Variants in OPCML observed in about 807,000 individuals in gnomAD.
The protein encoded by OPCML is opioid binding protein/cell adhesion molecule like, also known as opioid-binding protein/cell adhesion molecule.
In OPCML, 13 loss-of-function variants were observed where a neutral mutation model predicts 37.8. That is an observed-to-expected ratio of 0.34 (90% confidence interval 0.22 to 0.55). OPCML has a LOEUF of 0.55. Ranked by LOEUF, OPCML falls within the 20% of genes least tolerant of loss-of-function variation. The probability of loss-of-function intolerance (pLI) is 0.91; values close to 1 mark genes in which losing one functional copy is unlikely to be tolerated. For missense variants in OPCML, 341 were observed against 435.6 expected, an observed-to-expected ratio of 0.78 and a Z score of 1.93; for synonymous variants, 176 against 168.8, an observed-to-expected ratio of 1.04 and a Z score of -0.33.
intron 4 of OPCML, among the ~76,000 whole-genome samples, chr11:132,452,185 A>C (rs2096070007): frequency 6.6e-6 from 1 of 152,178 alleles, no homozygotes; most frequent in Non-Finnish European, 1.5e-5. Context: ...AGAGTTGTTA[A>C]TGACTTTTGT....
intron 2 of OPCML, among the ~76,000 whole-genome samples, chr11:132,927,696 A>T (rs1029202628): frequency 2.6e-5 from 4 of 152,096 alleles, no homozygotes; most frequent in African/African-American, 9.6e-5. Context: ...TATTATTGTC[A>T]TTTTAGTTTA....
chr11:133,118,314 T>C, intron 1 of OPCML: 1 of 985,356 alleles, frequency 1.0e-6, no homozygotes, highest in Non-Finnish European at 1.2e-6. Flanking sequence ...AATTCTGTCT[T>C]TTGAGAGTTC....
rs538348025 is a variant in OPCML at position 132,502,837 on chromosome 11, G to A, written c.505+26224C>T. ...TCCTGCTCACTGGAGAGAGTGGGGC[G>A]CCTTGGCTTAACAATCCTCTCTCAC... On this transcript the variant is annotated intron_variant, in intron 4 of 7. Transcript: ENST00000524381. Among the ~76,000 whole-genome samples, 170 of 152,242 alleles carry A rather than the reference G, an allele frequency of 1.1e-3. 5 individuals are homozygous for A. In the South Asian group the frequency reaches 0.022, roughly 19 times the overall value.
intron 3 of OPCML, among the ~76,000 whole-genome samples, chr11:132,566,046 A>G (rs2137534567): frequency 6.6e-6 from 1 of 152,304 alleles, no homozygotes; most frequent in Middle Eastern, 3.4e-3. Flanking sequence ...AACAGAACAA[A>G]ATAAAAAAAA....
In OPCML at chr11:133,109,103, A is replaced by T. The variant is rs548400843; in HGVS notation, c.62-166093T>A. Among the ~76,000 whole-genome samples the T allele has an allele frequency of 3.3e-5, 5 of 152,096 alleles. No individual in the cohort carries two copies. The East Asian group carries it at 7.8e-4, about 24-fold the overall frequency. On this transcript the variant is annotated intron_variant, in intron 1 of 7. Coordinates refer to ENST00000524381, the MANE Select transcript of OPCML (RefSeq NM_001012393.5). ...GGTTAATTGGTTTCTCTAGCTCACA[A>T]AGTTTTCCTTCTGTGTTCTCTGGTT...
rs141908936 is a variant in OPCML at position 132,434,108 on chromosome 11, C to A, written c.916+1978G>T. ...CTCCCTGCAACAGCAATCCCACCAA[C>A]CATGGGGATAATGGCAGGTTGTGGC... On this transcript the variant is annotated intron_variant, in intron 7 of 7. Coordinates refer to ENST00000524381, the MANE Select transcript of OPCML (RefSeq NM_001012393.5). Among the ~76,000 whole-genome samples, 391 of 152,258 alleles carry A rather than the reference C, an allele frequency of 2.6e-3. 4 individuals carry two copies. The highest frequency in any genetic ancestry group is 3.5e-3 in the South Asian group (17 of 4,830).
intron 2 of OPCML, among the ~76,000 whole-genome samples, chr11:132,799,513 T>G (rs1938522763): frequency 6.6e-6 from 1 of 152,128 alleles, no homozygotes; most frequent in African/African-American, 2.4e-5. Context: ...TGCCCTTTTA[T>G]AGGGGTGTGG....
intron 1 of OPCML, among the ~76,000 whole-genome samples, chr11:133,160,119 C>T (rs912868614): frequency 6.6e-6 from 1 of 152,158 alleles, no homozygotes; most frequent in Non-Finnish European, 1.5e-5. Flanking sequence ...CGAAAGTATC[C>T]TCATCAAAGA....
chr11:133,446,528 G>T (rs1412418744), intron 1 of OPCML, among the ~76,000 whole-genome samples: 1 of 152,100 alleles, frequency 6.6e-6, no homozygotes, highest in Non-Finnish European at 1.5e-5. Flanking sequence ...GGGCTCAAGG[G>T]ATCCTCCCAC....
Position 133,173,967 on chromosome 11 carries a change from G to A in OPCML, c.62-230957C>T, listed in dbSNP as rs997161534. ...TCCATTCTACAAGGATCCCCAGTCA[G>A]CCAATGCACCGGGACGCTGACATAA... On this transcript the variant is annotated intron_variant, in intron 1 of 7. Transcript: ENST00000524381. The surrounding 1 kb of genome is among the most constrained non-coding windows in gnomAD (Gnocchi z 7.8). Among the ~76,000 whole-genome samples the A allele has an allele frequency of 2.2e-4, 34 of 152,314 alleles. No homozygotes were observed. The highest frequency in any genetic ancestry group is 3.4e-3 in the Middle Eastern group (1 of 294).
intron 1 of OPCML, among the ~76,000 whole-genome samples, chr11:133,054,579 A>G (rs1463438104): frequency 2.0e-5 from 3 of 152,234 alleles, no homozygotes; most frequent in African/African-American, 2.4e-5. Flanking sequence ...GGTTGGGCAC[A>G]TCATCACAGG....
intron 1 of OPCML, among the ~76,000 whole-genome samples, chr11:133,332,769 A>G (rs1197116599): frequency 6.6e-6 from 1 of 152,156 alleles, no homozygotes; most frequent in Admixed American, 6.5e-5. Context: ...ATTAGTTTTC[A>G]TATGTTGAAC....
intron 1 of OPCML, among the ~76,000 whole-genome samples, chr11:133,479,543 G>T (rs1947329082): frequency 6.6e-6 from 1 of 152,210 alleles, no homozygotes; most frequent in Non-Finnish European, 1.5e-5. Flanking sequence ...AACAGACTTT[G>T]CTGTGCACAC....
chr11:133,072,696 G>A (rs1263616392), intron 1 of OPCML, among the ~76,000 whole-genome samples: 1 of 152,218 alleles, frequency 6.6e-6, no homozygotes, highest in African/African-American at 2.4e-5. Context: ...TGCAGTGCTG[G>A]TCTAGGGAGG....
At chr11:133,303,943 A>G (rs2136572485) in intron 1 of OPCML, among the ~76,000 whole-genome samples, 1 of 152,322 alleles carries the variant, frequency 6.6e-6, no homozygotes, top group East Asian at 1.9e-4. Context: ...CTATCATTCT[A>G]TGTTTTTGGT....
intron 2 of OPCML, among the ~76,000 whole-genome samples, chr11:132,704,234 G>T (rs923335201): frequency 6.6e-6 from 1 of 152,158 alleles, no homozygotes; most frequent in African/African-American, 2.4e-5. Flanking sequence ...TATCAAATGG[G>T]CAAGCAAGGA....
At chr11:133,432,722 C>G (rs1946150145) in intron 1 of OPCML, among the ~76,000 whole-genome samples, 1 of 151,962 alleles carries the variant, frequency 6.6e-6, no homozygotes, top group South Asian at 2.1e-4. Flanking sequence ...TTTTTTGTTT[C>G]TTTATTTTAC....
chr11:133,404,021 C>T (rs1350471280), intron 1 of OPCML, among the ~76,000 whole-genome samples: 2 of 152,182 alleles, frequency 1.3e-5, no homozygotes, highest in Non-Finnish European at 2.9e-5. Context: ...AAGTTCGAAG[C>T]CCAGTTGTTT....
intron 1 of OPCML, among the ~76,000 whole-genome samples, chr11:133,412,053 G>A (rs1945663498): frequency 1.3e-5 from 2 of 152,166 alleles, no homozygotes; most frequent in Non-Finnish European, 2.9e-5. Flanking sequence ...GAAACACGTG[G>A]CACATTCAAA....
Sources: gnomAD v4.1 joint callset for allele counts (sites outside exome capture counted in the v4.1 genomes callset) on GRCh38, gnomAD v4.1.1 for gene constraint, Gnocchi (gnomAD v3.1) non-coding constraint, MANE v1.5 for transcripts, NCBI Gene and HGNC (gene_info 2026-07-23, HGNC 2026-07-21) for gene names.